Variants in USH2A observed in about 807,000 individuals in gnomAD.
USH2A encodes the protein usherin.
In USH2A, 443 loss-of-function variants were observed where a neutral mutation model predicts 538.9. The ratio of observed to expected loss-of-function variants is 0.82; its 90% confidence interval spans 0.76 to 0.89. The LOEUF (loss-of-function observed/expected upper bound fraction) is 0.89. Among genes scored for constraint, USH2A ranks in the 40% least tolerant of loss-of-function variants. The probability of loss-of-function intolerance (pLI) is 0.00; values close to 1 mark genes in which losing one functional copy is unlikely to be tolerated. For synonymous variants in USH2A, 2,413 were observed against 2,273.5 expected (o/e 1.06, Z -1.75); for missense variants, 6,633 against 6,324.8 (o/e 1.05, Z -1.65).
intron 37 of USH2A, 89 bp downstream of exon 37, chr1:215,965,228 A>C (rs948261042): frequency 1.2e-5 from 17 of 1,433,488 alleles, no homozygotes; most frequent in Non-Finnish European, 1.5e-5. Context: ...CTGTGGCTAA[A>C]AGAAAGATTT....
intron 2 of USH2A, among the ~76,000 whole-genome samples, chr1:216,421,320 G>A (rs2039672459): frequency 6.6e-6 from 1 of 152,098 alleles, no homozygotes; most frequent in African/African-American, 2.4e-5. Context: ...TTTAGAGATG[G>A]AGGGTTATTT....
At position 216,000,404 on chromosome 1, in the gene USH2A, G is replaced by A; in HGVS notation, c.6484C>T (p.Gln2162Ter). The part of the protein sequence containing the change: ...TVLDSRTIHI[Q>*]WKQPRKISGI... ...GAGAGAGACAACATTTCTACTTACTGTATGTGTATAGTTCTAGAATCCAGG... is the reference window on the plus strand; with the variant it reads ...GAGAGAGACAACATTTCTACTTACTATATGTGTATAGTTCTAGAATCCAGG... Residue 2162 changes from glutamine (Q) to a stop codon, truncating the protein, a stop_gained and splice_region_variant, in exon 33 of 72, where the codon CAG becomes TAG. Transcript: ENST00000307340. LOFTEE classifies it high-confidence loss of function. 1 of 1,613,466 alleles carries A rather than the reference G, an allele frequency of 6.2e-7. No individual in the cohort carries two copies. The highest frequency in any genetic ancestry group is 1.1e-5 in the South Asian group (1 of 91,068).
At chr1:215,690,916 A>C (rs1473031808) in intron 61 of USH2A, among the ~76,000 whole-genome samples, 5 of 151,874 alleles carry the variant, frequency 3.3e-5, no homozygotes, top group Admixed American at 2.0e-4. Flanking sequence ...TTTAGATGGA[A>C]TCTCGCTCTG....
chr1:216,087,447 G>A (rs1462546346), intron 23 of USH2A, among the ~76,000 whole-genome samples: 2 of 152,004 alleles, frequency 1.3e-5, no homozygotes, highest in African/African-American at 4.8e-5. Context: ...CCACAGTCAT[G>A]CACTCCCTGG....
chr1:216,281,880 T>TC (rs1172065268), intron 11 of USH2A, among the ~76,000 whole-genome samples: 1 of 149,064 alleles, frequency 6.7e-6, no homozygotes, highest in Non-Finnish European at 1.5e-5. Context: ...TTTTTTTTTT[T>TC]TTTTTTTGAG....
At chr1:216,273,635 C>T (rs931472838) in intron 11 of USH2A, among the ~76,000 whole-genome samples, 1 of 152,004 alleles carries the variant, frequency 6.6e-6, no homozygotes, top group Non-Finnish European at 1.5e-5. Flanking sequence ...AACGTCCCTA[C>T]ATTTGTTTGG....
chr1:215,819,422 T>C (rs1002578894), intron 47 of USH2A, among the ~76,000 whole-genome samples: 3 of 151,580 alleles, frequency 2.0e-5, no homozygotes, highest in Non-Finnish European at 4.4e-5. Flanking sequence ...AAGAAAACTA[T>C]TATTTCAGTT....
chr1:215,696,956 G>T lies in USH2A; in HGVS notation c.12067-16580C>A, dbSNP rs561680056. On this transcript the variant is annotated intron_variant, in intron 61 of 71. Coordinates refer to ENST00000307340, the MANE Select transcript of USH2A (RefSeq NM_206933.4). ...TTCCATTACACCCTCTTTTTTTTTT[G>T]TTTGTTTGTTTTTTGAGACAGGGTC... Among the ~76,000 whole-genome samples the T allele has an allele frequency of 9.4e-3, 1,402 of 149,408 alleles. 11 individuals carry two copies. Among genetic ancestry groups the T allele is most frequent in the Non-Finnish European group, 8.5e-3 (569 of 67,330 alleles).
chr1:215,949,464 T>C lies in USH2A; in HGVS notation c.7121-14669A>G, dbSNP rs865775022. ...TGCATATGAAAAGAACTAAGACCTT[T>C]TAACAGAAATGAATAATAACCTGAA... On this transcript the variant is annotated intron_variant, in intron 37 of 71. Transcript: ENST00000307340. Among the ~76,000 whole-genome samples the C allele has an allele frequency of 5.3e-5, 8 of 151,862 alleles. No homozygotes were observed. The South Asian group carries it at 8.4e-4, about 16-fold the overall frequency.
chr1:216,222,804 C>CCCTG (rs1393896768), intron 14 of USH2A, among the ~76,000 whole-genome samples: 1 of 152,054 alleles, frequency 6.6e-6, no homozygotes, highest in Non-Finnish European at 1.5e-5. Context: ...CATGGAGAAA[C>CCCTG]CCTGTCTCTA....
intron 22 of USH2A, among the ~76,000 whole-genome samples, chr1:216,094,291 A>G (rs996599145): frequency 3.9e-5 from 6 of 152,136 alleles, no homozygotes; most frequent in Non-Finnish European, 7.4e-5. Context: ...TTATTTTTCT[A>G]TAACATTTGA....
intron 60 of USH2A, among the ~76,000 whole-genome samples, chr1:215,739,555 G>T (rs1660244731): frequency 6.6e-6 from 1 of 152,210 alleles, no homozygotes; most frequent in African/African-American, 2.4e-5. Flanking sequence ...GTGGATGAAA[G>T]AAAACTATTT....
chr1:215,896,193 T>C (rs1665334861), intron 40 of USH2A, among the ~76,000 whole-genome samples: 1 of 152,186 alleles, frequency 6.6e-6, no homozygotes, highest in South Asian at 2.1e-4. Context: ...CTTAGACTAG[T>C]GGTTAAAAAT....
At chr1:215,730,514 TAGA>T (rs1004964850) in intron 60 of USH2A, among the ~76,000 whole-genome samples, 2 of 152,182 alleles carry the variant, frequency 1.3e-5, no homozygotes, top group Non-Finnish European at 2.9e-5. Flanking sequence ...TCCAGGCTGT[TAGA>T]AGTATTTAAT....
chr1:216,214,685 A>G (rs1419977683), intron 15 of USH2A, among the ~76,000 whole-genome samples: 1 of 152,094 alleles, frequency 6.6e-6, no homozygotes, highest in Non-Finnish European at 1.5e-5. Flanking sequence ...ATTGTTAAAT[A>G]TATAATATGT....
chr1:216,233,232 G>A (rs1230496597), intron 13 of USH2A, among the ~76,000 whole-genome samples: 2 of 152,100 alleles, frequency 1.3e-5, no homozygotes, highest in Non-Finnish European at 2.9e-5. Context: ...GTCCATTGCA[G>A]TCATATTTGT....
At chr1:216,198,730 G>C in intron 17 of USH2A, 146 bp from the exon 18 acceptor site, 1 of 807,288 alleles carries the variant, frequency 1.2e-6, no homozygotes, top group Non-Finnish European at 2.0e-6. Flanking sequence ...CATTCAAAAT[G>C]TAGTGATTTA....
At chr1:216,170,534 G>T (rs1483834458) in intron 21 of USH2A, among the ~76,000 whole-genome samples, 1 of 152,090 alleles carries the variant, frequency 6.6e-6, no homozygotes, top group Non-Finnish European at 1.5e-5. Context: ...CCCAAAGGCA[G>T]TTCCTGATTT....
intron 11 of USH2A, among the ~76,000 whole-genome samples, chr1:216,261,340 C>T (rs1252704970): frequency 6.6e-6 from 1 of 150,638 alleles, no homozygotes; most frequent in Non-Finnish European, 1.5e-5. Flanking sequence ...TACAGCCAGG[C>T]ATAGTGGCAT....
Sources: allele counts gnomAD v4.1 joint callset (sites outside exome capture counted in the v4.1 genomes callset), GRCh38; gene constraint gnomAD v4.1.1; transcripts MANE v1.5; gene names NCBI Gene and HGNC (gene_info 2026-07-23, HGNC 2026-07-21).